Variants in ACTR3C observed in about 807,000 individuals in gnomAD.
ACTR3C encodes the protein actin-related protein 3C.
In ACTR3C, 18 loss-of-function variants were observed where a neutral mutation model predicts 26.3. The observed-to-expected ratio is 0.68, with a 90% CI of 0.47 to 1.01. The LOEUF is 1.01. Ranked by LOEUF, ACTR3C falls within the 50% of genes least tolerant of loss-of-function variation. The pLI, the probability that ACTR3C is intolerant of heterozygous loss-of-function variation, is 0.00. For missense variants in ACTR3C, 184 were observed against 250.7 expected, an observed-to-expected ratio of 0.73 and a Z score of 1.80; for synonymous variants, 55 against 94.5, an observed-to-expected ratio of 0.58 and a Z score of 2.42.
the ACTR3C span, among the ~76,000 whole-genome samples, chr7:150,123,027 T>C: frequency 6.8e-6 from 1 of 146,736 alleles, no homozygotes; most frequent in Non-Finnish European, 1.5e-5. Flanking sequence ...TAGGTGGGAG[T>C]TGAACAATGA....
chr7:149,947,090 C>T, the ACTR3C span, among the ~76,000 whole-genome samples: 7 of 151,498 alleles, frequency 4.6e-5, no homozygotes, highest in Non-Finnish European at 1.0e-4. Context: ...TCCCGGCTTC[C>T]CCATGTCCTA....
the ACTR3C span, among the ~76,000 whole-genome samples, chr7:150,033,586 C>T: frequency 5.3e-4 from 80 of 150,302 alleles, no homozygotes; most frequent in Non-Finnish European, 8.6e-4. Flanking sequence ...TCTCAGTCCC[C>T]GCCTCGCAGG....
the ACTR3C span, among the ~76,000 whole-genome samples, chr7:149,906,412 CTTTTTTTTTTTTTTTTTTTTTTTTT>C: frequency 1.1e-3 from 81 of 72,108 alleles, 1 homozygote; most frequent in African/African-American, 3.0e-3. Context: ...GGGTTTGTTT[CTTTTTTTTTTTTTTTTTTTTTTTTT>C]TTTTTTTTTT....
chr7:150,287,717 C>T (rs1455734617), intron 4 of ACTR3C, among the ~76,000 whole-genome samples: 1 of 149,764 alleles, frequency 6.7e-6, no homozygotes, highest in Admixed American at 6.6e-5. Context: ...TATACTCTAG[C>T]GGAATTTTAA....
chr7:150,256,300 T>G (rs1833217891), intron 6 of ACTR3C, among the ~76,000 whole-genome samples: 1 of 152,280 alleles, frequency 6.6e-6, no homozygotes, highest in Non-Finnish European at 1.5e-5. Flanking sequence ...GTAATGGGAC[T>G]GCTGGGCCGA....
chr7:150,199,085 GC>G, the ACTR3C span, among the ~76,000 whole-genome samples: 7 of 146,428 alleles, frequency 4.8e-5, no homozygotes, highest in South Asian at 2.1e-4. Flanking sequence ...CTGCCCGGCC[GC>G]CCCCCCGTCT....
chr7:150,200,256 T>TTGGGGTGTTA, the ACTR3C span, among the ~76,000 whole-genome samples: 1 of 152,178 alleles, frequency 6.6e-6, no homozygotes, highest in Non-Finnish European at 1.5e-5. Context: ...ATTCATAGAA[T>TTGGGGTGTTA]TGGGGTGTTA....
At chr7:149,948,593 G>A in the ACTR3C span, among the ~76,000 whole-genome samples, 4 of 148,910 alleles carry the variant, frequency 2.7e-5, no homozygotes, top group African/African-American at 7.8e-5. Flanking sequence ...AACATGTGCA[G>A]AGAGTCTGAG....
intron 6 of ACTR3C, among the ~76,000 whole-genome samples, chr7:150,254,205 G>A (rs1437818258): frequency 2.0e-5 from 3 of 152,290 alleles, no homozygotes; most frequent in East Asian, 3.9e-4. Flanking sequence ...ATTGATGAGA[G>A]TGATGTGCTT....
At chr7:150,004,157 GTGTGGTGTGTA>G in the ACTR3C span, among the ~76,000 whole-genome samples, 6 of 151,870 alleles carry the variant, frequency 4.0e-5, no homozygotes, top group African/African-American at 1.5e-4. Context: ...TTTGGTGTGT[GTGTGGTGTGTA>G]TGATGTATGA....
the ACTR3C span, among the ~76,000 whole-genome samples, chr7:150,199,825 T>G: frequency 6.7e-6 from 1 of 149,146 alleles, no homozygotes; most frequent in African/African-American, 2.5e-5. Context: ...TATTTCACAA[T>G]GTATGCATAT....
At chr7:150,121,098 A>G in the ACTR3C span, among the ~76,000 whole-genome samples, 2 of 152,228 alleles carry the variant, frequency 1.3e-5, no homozygotes, top group South Asian at 2.1e-4. Context: ...AATAATAAGA[A>G]CTATTTATGA....
At chr7:150,258,101 A>G (rs1833353276) in intron 6 of ACTR3C, among the ~76,000 whole-genome samples, 1 of 152,080 alleles carries the variant, frequency 6.6e-6, no homozygotes, top group Non-Finnish European at 1.5e-5. Context: ...AATGCTGCTT[A>G]ACATCTATAA....
intron 1 of ACTR3C, among the ~76,000 whole-genome samples, chr7:150,297,835 G>C (rs1451174587): frequency 6.8e-6 from 1 of 146,314 alleles, no homozygotes; most frequent in Admixed American, 6.7e-5. Context: ...CTGGGCGATG[G>C]AGTGAGACTC....
At chr7:150,151,829 T>C in the ACTR3C span, among the ~76,000 whole-genome samples, 4 of 137,590 alleles carry the variant, frequency 2.9e-5, no homozygotes, top group Admixed American at 2.2e-4. Context: ...TGTATACATA[T>C]GTACCTAACC....
the ACTR3C span, among the ~76,000 whole-genome samples, chr7:149,884,597 A>C: frequency 6.6e-6 from 1 of 151,744 alleles, no homozygotes; most frequent in Non-Finnish European, 1.5e-5. Flanking sequence ...GTCAACTTAA[A>C]AAAAAAAAAG....
intron 1 of ACTR3C, among the ~76,000 whole-genome samples, chr7:150,301,009 T>G (rs867808349): frequency 2.6e-5 from 4 of 152,248 alleles, no homozygotes; most frequent in South Asian, 2.1e-4. Flanking sequence ...GCGGGCCTAA[T>G]AACATCACCT....
At position 150,249,024 on chromosome 7, in the gene ACTR3C, C is replaced by G. The variant is rs183801370; in HGVS notation, c.595G>C (p.Gly199Arg). ...MEQIPLSYPQ[G>R]HGFHPLSPPF... ...GGTGACAGAGGATGGAATCCGTGAC[C>G]TTGAGGATAGCTCAGTGGAATTTGT... Residue 199 changes from glycine to arginine, a missense_variant, in exon 7 of 8, where the codon GGT becomes CGT. Transcript: ENST00000683684. The G allele has an allele frequency of 3.5e-5, 24 of 686,348 alleles. No homozygotes were observed. In the East Asian group the frequency reaches 6.5e-4, roughly 19 times the overall value. The allele number at this position is 686,348 out of a possible 1,614,324, so 42.5% of individuals were successfully genotyped here.
At chr7:150,148,564 A>G in the ACTR3C span, among the ~76,000 whole-genome samples, 196 of 152,304 alleles carry the variant, frequency 1.3e-3, no homozygotes, top group Middle Eastern at 6.8e-3. Context: ...ACCAGCCTAA[A>G]CTCAGTGTTT....
Sources: gnomAD v4.1 joint callset for allele counts (sites outside exome capture counted in the v4.1 genomes callset) on GRCh38, gnomAD v4.1.1 for gene constraint, MANE v1.5 for transcripts, NCBI Gene and HGNC (gene_info 2026-07-23, HGNC 2026-07-21) for gene names.